The following ERCC1 variants were observed in gnomAD, a reference collection of about 807,000 sequenced individuals.
ERCC1 encodes ERCC excision repair 1, endonuclease non-catalytic subunit, also known as DNA excision repair protein ERCC-1.
ERCC1 carries 36 observed loss-of-function variants against 37.6 expected under a neutral mutation model. The observed-to-expected ratio is 0.96, with a 90% confidence interval of 0.73 to 1.26. The LOEUF is 1.26. Among genes scored for constraint, ERCC1 ranks in the 50% most tolerant of loss-of-function variants. ERCC1 has a pLI of 0.00. For synonymous variants in ERCC1, 156 were observed against 162.1 expected, an observed-to-expected ratio of 0.96 and a Z score of 0.28; for missense variants, 349 against 376.5, an observed-to-expected ratio of 0.93 and a Z score of 0.60.
rs747911302 is a variant in ERCC1, at chr19:45,414,860, C to T, written c.702+1G>A. The stretch of plus-strand genomic sequence containing the variant: ...AGGGATGGGAGGTGAGGTGGCCTCA[C>T]CCGGGAGACGAAGTCCTGCTCTAGC... On this transcript the variant is annotated splice_donor_variant, in intron 7 of 9. Coordinates refer to ENST00000300853, the MANE Select transcript of ERCC1 (RefSeq NM_001983.4). LOFTEE classifies it high-confidence loss of function. 6.2e-7 allele frequency: 1 copy of T among 1,611,424 alleles called. No individual in the cohort carries two copies. The highest frequency in any genetic ancestry group is 8.5e-7 in the Non-Finnish European group (1 of 1,177,766).
intron 1 of ERCC1, among the ~76,000 whole-genome samples, chr19:45,434,720 G>C (rs1974929209): frequency 6.6e-6 from 1 of 151,766 alleles, no homozygotes; most frequent in East Asian, 1.9e-4. Flanking sequence ...CGAGCAGCTG[G>C]GACTACAGGC....
intron 2 of ERCC1, among the ~76,000 whole-genome samples, chr19:45,422,335 C>T (rs1199416569): frequency 6.6e-6 from 1 of 152,096 alleles, no homozygotes; most frequent in Non-Finnish European, 1.5e-5. Flanking sequence ...CCCTTGAACA[C>T]GGCAGGCTCT....
At chr19:45,432,730 C>T (rs529511068) in intron 1 of ERCC1, among the ~76,000 whole-genome samples, 48 of 152,228 alleles carry the variant, frequency 3.2e-4, no homozygotes, top group African/African-American at 1.1e-3. Context: ...TTTGTAGAGA[C>T]GGGGTCTTGC....
chr19:45,434,632 C>T (rs1358541430), intron 1 of ERCC1, among the ~76,000 whole-genome samples: 1 of 152,154 alleles, frequency 6.6e-6, no homozygotes. Flanking sequence ...GTCACCCAGG[C>T]TGGAGTGCAG....
chr19:45,442,077 C>T (rs563295153), intron 1 of ERCC1, among the ~76,000 whole-genome samples: 12 of 151,696 alleles, frequency 7.9e-5, no homozygotes, highest in East Asian at 5.8e-4. Flanking sequence ...TTTGGGAGGC[C>T]GAGGTGGGAG....
intron 1 of ERCC1, among the ~76,000 whole-genome samples, chr19:45,447,411 A>G (rs1966982274): frequency 6.6e-6 from 1 of 150,458 alleles, no homozygotes; most frequent in Non-Finnish European, 1.5e-5. Flanking sequence ...GAGTAGCTGG[A>G]ACTACAGGCA....
rs774244750 is a variant in ERCC1 at position 45,423,397 on chromosome 19, C to T, written c.-7-16G>A. 219 of 1,600,188 alleles carry T rather than the reference C, an allele frequency of 1.4e-4. No individual in the cohort carries two copies. Among genetic ancestry groups the T allele is most frequent in the Non-Finnish European group, 1.8e-4 (206 of 1,173,834 alleles). ...CATCTGGAGCCTGAAAGGGAAGGTG[C>T]CAGGAGCGAGTGAGCCACTGGCGTC... On this transcript the variant is annotated splice_polypyrimidine_tract_variant and intron_variant, in intron 1 of 9. Transcript: ENST00000300853.
At chr19:45,447,358 G>A (rs56295550) in intron 1 of ERCC1, among the ~76,000 whole-genome samples, 5 of 143,750 alleles carry the variant, frequency 3.5e-5, no homozygotes, top group African/African-American at 5.2e-5. Context: ...TCACTGCAAC[G>A]TCTCCCTTTC....
In ERCC1 at chr19:45,409,734, G is replaced by A. The variant is rs1244662643; in HGVS notation, c.844-9C>T. 1 of 807,374 alleles carries A rather than the reference G, an allele frequency of 1.2e-6. No homozygotes were observed. The highest frequency in any genetic ancestry group is 2.4e-5 in the East Asian group (1 of 41,330). The allele number at this position is 807,374 out of a possible 1,614,324, so 50.0% of individuals were successfully genotyped here. A position where few individuals can be genotyped will look rare whatever the true frequency, so the allele number is the denominator to read the frequency against. The stretch of plus-strand genomic sequence containing the variant: ...TCAAACAGCCTCCGGGCCTGGATGG[G>A]AGGGAGAAAAAAATGAGGAACCAGT... On this transcript the variant is annotated splice_polypyrimidine_tract_variant and intron_variant, in intron 9 of 9. Coordinates refer to ENST00000300853, the MANE Select transcript of ERCC1 (RefSeq NM_001983.4).
At position 45,409,202 on chromosome 19, in the gene ERCC1, C is replaced by T. The variant is rs778938952; in HGVS notation, c.*473G>A. The T allele has an allele frequency of 6.2e-7, 1 of 1,613,426 alleles. No individual in the cohort carries two copies. Among genetic ancestry groups the T allele is most frequent in the South Asian group, 1.1e-5 (1 of 91,000 alleles). On this transcript the variant is annotated 3_prime_UTR_variant, in exon 10 of 10. Coordinates refer to ENST00000300853, the MANE Select transcript of ERCC1 (RefSeq NM_001983.4). ...GGTGGGGCCTGAGCTGCCGGATGAC[C>T]TTGAGCCTCAGGCAGCTCCCACATC...
Position 45,421,160 on chromosome 19 carries a change from C to T in ERCC1, c.321+18G>A, listed in dbSNP as rs1405565832. The stretch of plus-strand genomic sequence containing the variant: ...CACTGAAAACCTCAAGGCCTCACTT[C>T]TCCGTCTCCCTCCTCACCTGCCGAG... On this transcript the variant is annotated intron_variant, in intron 3 of 9. Transcript: ENST00000300853. 6.2e-7 allele frequency: 1 copy of T among 1,611,762 alleles called. No homozygotes were observed. The highest frequency in any genetic ancestry group is 8.5e-7 in the Non-Finnish European group (1 of 1,178,150).
At position 45,421,315 on chromosome 19, in the gene ERCC1, C is replaced by T. The variant is rs150584960; in HGVS notation, c.184G>A (p.Glu62Lys). Residue 62 changes from glutamate to lysine, a missense_variant, in exon 3 of 10, where the codon GAA becomes AAA. Coordinates refer to ENST00000300853, the MANE Select transcript of ERCC1 (RefSeq NM_001983.4). Reference sequence around the variant, plus strand: ...TCCAGAGGCTGTGAGATGGCATATTCGGCGTAGGTCTGAGGGGCCGCCTGG... The same window carrying T: ...TCCAGAGGCTGTGAGATGGCATATTTGGCGTAGGTCTGAGGGGCCGCCTGG... ...SAQAAPQTYAEYAISQPLEGA... is the reference protein window; with the variant it reads ...SAQAAPQTYAKYAISQPLEGA... The T allele has an allele frequency of 1.2e-5, 20 of 1,613,946 alleles. No homozygotes were observed. Among genetic ancestry groups the T allele is most frequent in the African/African-American group, 8.0e-5 (6 of 74,912 alleles).
chr19:45,422,063 G>A (rs935977781), intron 2 of ERCC1, among the ~76,000 whole-genome samples: 1 of 151,930 alleles, frequency 6.6e-6, no homozygotes, highest in African/African-American at 2.4e-5. Flanking sequence ...AGCCACCAGC[G>A]TTTCACCCTT....
intron 5 of ERCC1, among the ~76,000 whole-genome samples, chr19:45,418,640 T>C (rs531523314): frequency 2.0e-5 from 3 of 152,028 alleles, no homozygotes; most frequent in African/African-American, 7.2e-5. Flanking sequence ...CTGGCCAACA[T>C]GGTGAAAACC....
chr19:45,443,881 C>A (rs1268083321), intron 1 of ERCC1, among the ~76,000 whole-genome samples: 1 of 151,708 alleles, frequency 6.6e-6, no homozygotes, highest in Non-Finnish European at 1.5e-5. Context: ...AAACCTCTCT[C>A]CTCTACACCC....
chr19:45,408,061 C>CAA lies in ERCC1; in HGVS notation c.*1612_*1613dup, dbSNP rs11314106. On this transcript the variant is annotated 3_prime_UTR_variant, in exon 10 of 10. Transcript: ENST00000300853. ...AGAGCAAGACTCTCTCAAAAAAAAA[C>CAA]AAAAAAAAAATCAAAAAACCTTCCC... The CAA allele has an allele frequency of 1.9e-5, 26 of 1,403,822 alleles. No individual in the cohort carries two copies. The highest frequency in any genetic ancestry group is 7.1e-5 in the Admixed American group (3 of 42,142). The allele number at this position is 1,403,822 out of a possible 1,614,324, so 87.0% of individuals were successfully genotyped here. A position where few individuals can be genotyped will look rare whatever the true frequency, so the allele number is the denominator to read the frequency against.
chr19:45,413,780 G>A (rs747426882), intron 8 of ERCC1, 35 bp from the exon 9 acceptor site: 94 of 1,611,404 alleles, frequency 5.8e-5, no homozygotes, highest in South Asian at 7.7e-5. Context: ...GGGCAGTTGA[G>A]CACAAAAGCC....
At chr19:45,412,392 C>CT (rs1023122826) in intron 9 of ERCC1, among the ~76,000 whole-genome samples, 4 of 152,106 alleles carry the variant, frequency 2.6e-5, no homozygotes, top group Admixed American at 2.6e-4. Flanking sequence ...CTCCTGGCCT[C>CT]AAGTGATCTG....
chr19:45,409,572 C>T lies in ERCC1; in HGVS notation c.*103G>A. 6.4e-7 allele frequency: 1 copy of T among 1,573,692 alleles called. No individual in the cohort carries two copies. Among genetic ancestry groups the T allele is most frequent in the Non-Finnish European group, 8.6e-7 (1 of 1,159,656 alleles). On this transcript the variant is annotated 3_prime_UTR_variant, in exon 10 of 10. Coordinates refer to ENST00000300853, the MANE Select transcript of ERCC1 (RefSeq NM_001983.4). ...ACCTGGGCCACCAGAAGGTGACACC[C>T]CCAGAATCCCTCCCCAGAGACTGCA...
Sources: gnomAD v4.1 joint callset for allele counts (sites outside exome capture counted in the v4.1 genomes callset) on GRCh38, gnomAD v4.1.1 for gene constraint, MANE v1.5 for transcripts, NCBI Gene and HGNC (gene_info 2026-07-23, HGNC 2026-07-21) for gene names.